FER1L6: variants seen among roughly 807,000 people sequenced by gnomAD.
FER1L6 encodes the protein fer-1 like family member 6, also known as fer-1-like protein 6.
Under a neutral mutation model 219.2 loss-of-function variants are expected in FER1L6, and 177 were observed. The observed-to-expected ratio is 0.81, with a 90% CI of 0.71 to 0.91. The LOEUF (loss-of-function observed/expected upper bound fraction) is 0.91. Among genes scored for constraint, FER1L6 ranks in the 40% least tolerant of loss-of-function variants. The probability of loss-of-function intolerance (pLI) is 0.00; values close to 1 mark genes in which losing one functional copy is unlikely to be tolerated. For synonymous variants in FER1L6, 768 were observed against 824.3 expected (o/e 0.93, Z 1.17); for missense variants, 2,153 against 2,259.9 (o/e 0.95, Z 0.96).
intron 39 of FER1L6, among the ~76,000 whole-genome samples, chr8:124,112,823 A>G (rs181466054): frequency 6.6e-6 from 1 of 152,324 alleles, no homozygotes; most frequent in East Asian, 1.9e-4. Flanking sequence ...AATAGTATTT[A>G]GCAAGATCAG....
intron 1 of FER1L6, among the ~76,000 whole-genome samples, chr8:123,946,293 G>T (rs191773330): frequency 6.6e-6 from 1 of 152,102 alleles, no homozygotes; most frequent in Non-Finnish European, 1.5e-5. Context: ...ACTTTGTCAT[G>T]CAAGCTGGAA....
intron 37 of FER1L6, among the ~76,000 whole-genome samples, chr8:124,098,524 G>T (rs1822406180): frequency 6.6e-6 from 1 of 152,140 alleles, no homozygotes; most frequent in African/African-American, 2.4e-5. Context: ...ATGATTTGCA[G>T]TCATACCACA....
intron 1 of FER1L6, among the ~76,000 whole-genome samples, chr8:123,875,665 A>G (rs1816994995): frequency 6.6e-6 from 1 of 152,230 alleles, no homozygotes; most frequent in Admixed American, 6.5e-5. Flanking sequence ...CAAGATCTTC[A>G]TAGCAGGCTC....
At chr8:123,955,945 TA>T in intron 1 of FER1L6, 46 bp from the exon 2 acceptor site, 1 of 1,540,140 alleles carries the variant, frequency 6.5e-7, no homozygotes, top group Non-Finnish European at 8.8e-7. Context: ...CTAACACGTC[TA>T]AATGACTCAA....
intron 1 of FER1L6, among the ~76,000 whole-genome samples, chr8:123,937,787 TA>T (rs1229920720): frequency 6.6e-6 from 1 of 152,210 alleles, no homozygotes; most frequent in Admixed American, 6.5e-5. Context: ...TAGAAAAATA[TA>T]TTTTTTTCTG....
Position 123,966,204 on chromosome 8 carries a change from A to G in FER1L6, c.298A>G (p.Ile100Val), listed in dbSNP as rs757227865. 6.2e-6 allele frequency: 10 copies of G among 1,614,026 alleles called. No individual in the cohort carries two copies. In the East Asian group the frequency reaches 2.0e-4, roughly 32 times the overall value. Residue 100 changes from isoleucine to valine, a missense_variant, in exon 5 of 41, where the codon ATT becomes GTT. Transcript: ENST00000522917. ...GGCTCGCCAGCTGGTGGGTGAGAAC[A>G]TTGACCCAGTTGTGACCATTGAGAT... ...TEARQLVGEN[I>V]DPVVTIEIGD...
chr8:124,062,139 TG>T, intron 25 of FER1L6, 107 bp downstream of exon 25: 1 of 1,201,592 alleles, frequency 8.3e-7, no homozygotes, highest in Non-Finnish European at 1.2e-6. Flanking sequence ...GCCAAGTGGC[TG>T]GGTGGATCTT....
intron 35 of FER1L6, among the ~76,000 whole-genome samples, 185 bp from the exon 36 acceptor site, chr8:124,097,086 T>C (rs1409281203): frequency 1.9e-5 from 1 of 53,992 alleles, no homozygotes; most frequent in Non-Finnish European, 5.2e-5. Context: ...TATATATATA[T>C]ATATATATAC....
Position 124,017,703 on chromosome 8 carries a change from C to T in FER1L6, c.1998C>T (p.Leu666=), listed in dbSNP as rs1818262160. 2.5e-6 allele frequency: 4 copies of T among 1,613,302 alleles called. No homozygotes were observed. The highest frequency in any genetic ancestry group is 2.5e-6 in the Non-Finnish European group (3 of 1,179,478). The change falls in exon 16 of 41, where the codon CTC becomes CTT. Residue 666 remains leucine (L), a synonymous_variant. Coordinates refer to ENST00000522917, the MANE Select transcript of FER1L6 (RefSeq NM_001039112.2). The stretch of plus-strand genomic sequence containing the variant: ...CTTTAGATAAGAAGCGACTTACGCT[C>T]TGCTGGCAGGAGCTGGTATGTGAAA... The part of the protein sequence containing the change: ...QTTLDKKRLT[L]CWQELEAMCK...
intron 12 of FER1L6, among the ~76,000 whole-genome samples, chr8:124,000,773 G>GCT (rs1238518292): frequency 6.6e-6 from 1 of 152,166 alleles, no homozygotes; most frequent in African/African-American, 2.4e-5. Context: ...TATTCAGGAA[G>GCT]CTCTCTTTCA....
chr8:124,013,434 G>C lies in FER1L6; in HGVS notation c.1825G>C (p.Glu609Gln). Residue 609 changes from glutamate (E) to glutamine (Q), a missense_variant, in exon 15 of 41, where the codon GAA becomes CAA. Glu to Gln is a conservative substitution (Grantham distance 29). Coordinates refer to ENST00000522917, the MANE Select transcript of FER1L6 (RefSeq NM_001039112.2). ...CACCCCTGTGGTTTGTTTTCAGGAAGAAAGTATAGAAGAAGTGAGAGAATT... is the reference window on the plus strand; with the variant it reads ...CACCCCTGTGGTTTGTTTTCAGGAACAAAGTATAGAAGAAGTGAGAGAATT... ...MLEKMADFLE[E>Q]SIEEVRELIK... 1 of 1,601,722 alleles carries C rather than the reference G, an allele frequency of 6.2e-7. No homozygotes were observed. Among genetic ancestry groups the C allele is most frequent in the South Asian group, 1.1e-5 (1 of 88,858 alleles).
chr8:124,023,946 G>T (rs1818587435), intron 18 of FER1L6, among the ~76,000 whole-genome samples: 3 of 150,792 alleles, frequency 2.0e-5, no homozygotes, highest in Admixed American at 1.3e-4. Context: ...GCCCGGGCTG[G>T]AGTGCAGTGG....
At chr8:123,989,217 G>T (rs1816740746) in intron 12 of FER1L6, among the ~76,000 whole-genome samples, 1 of 152,038 alleles carries the variant, frequency 6.6e-6, no homozygotes, top group Admixed American at 6.5e-5. Context: ...TGTTGAATTT[G>T]GTTTGCTAGG....
intron 1 of FER1L6, among the ~76,000 whole-genome samples, chr8:123,874,207 A>T (rs1816967013): frequency 6.6e-6 from 1 of 152,182 alleles, no homozygotes; most frequent in African/African-American, 2.4e-5. Context: ...TCTTACTGAT[A>T]TATTTCCCTA....
intron 12 of FER1L6, among the ~76,000 whole-genome samples, chr8:124,001,188 A>ATATGCAGGTCC (rs1212012810): frequency 6.6e-6 from 1 of 152,032 alleles, no homozygotes; most frequent in Non-Finnish European, 1.5e-5. Context: ...GAGTGTCCCC[A>ATATGCAGGTCC]CCTCTGACCT....
chr8:124,080,492 A>AT (rs1821493090), intron 32 of FER1L6, among the ~76,000 whole-genome samples: 3 of 151,858 alleles, frequency 2.0e-5, no homozygotes, highest in Non-Finnish European at 2.9e-5. Flanking sequence ...TAATTTTTGT[A>AT]TTTTTAGTAG....
At chr8:124,064,194 T>C (rs1265480100) in intron 25 of FER1L6, among the ~76,000 whole-genome samples, 153 bp from the exon 26 acceptor site, 1 of 152,236 alleles carries the variant, frequency 6.6e-6, no homozygotes, top group Non-Finnish European at 1.5e-5. Flanking sequence ...TGGGTATTTT[T>C]ACTGTCATTT....
chr8:123,892,195 G>A (rs11997505), intron 1 of FER1L6, among the ~76,000 whole-genome samples: 7 of 151,862 alleles, frequency 4.6e-5, no homozygotes. Flanking sequence ...GGTAAAATTT[G>A]GTTTTCTCTT....
intron 19 of FER1L6, among the ~76,000 whole-genome samples, chr8:124,039,632 G>A (rs1268945514): frequency 6.6e-6 from 1 of 152,218 alleles, no homozygotes; most frequent in East Asian, 1.9e-4. Context: ...CATGGTTTTA[G>A]TGAAGAATAA....
Sources: gnomAD v4.1 joint callset for allele counts (sites outside exome capture counted in the v4.1 genomes callset) on GRCh38, gnomAD v4.1.1 for gene constraint, MANE v1.5 for transcripts, NCBI Gene and HGNC (gene_info 2026-07-23, HGNC 2026-07-21) for gene names.